Variants in KCNMB2 observed in about 807,000 individuals in gnomAD.
KCNMB2 encodes calcium-activated potassium channel subunit beta-2.
In KCNMB2, 9 loss-of-function variants were observed where a neutral mutation model predicts 24.5. That is an observed-to-expected ratio of 0.37 (90% CI 0.22 to 0.64). The LOEUF (loss-of-function observed/expected upper bound fraction) is 0.64. Ranked by LOEUF, KCNMB2 falls within the 30% of genes least tolerant of loss-of-function variation. The pLI, the probability that KCNMB2 is intolerant of heterozygous loss-of-function variation, is 0.63. For synonymous variants in KCNMB2, 109 were observed against 104.4 expected, an observed-to-expected ratio of 1.04 and a Z score of -0.27; for missense variants, 226 against 284.3, an observed-to-expected ratio of 0.79 and a Z score of 1.47.
intron 1 of KCNMB2, among the ~76,000 whole-genome samples, chr3:178,794,636 T>C (rs1304189327): frequency 6.6e-6 from 1 of 152,224 alleles, no homozygotes; most frequent in East Asian, 1.9e-4. Flanking sequence ...ATGACGATTA[T>C]AACCAGCTCA....
At chr3:178,805,015 C>T in intron 1 of KCNMB2, among the ~76,000 whole-genome samples, 1 of 152,194 alleles carries the variant, frequency 6.6e-6, no homozygotes, top group East Asian at 1.9e-4. Context: ...AAACAAATAA[C>T]TTTAAACAAC....
chr3:178,632,729 A>G (rs1719366137), intron 1 of KCNMB2, among the ~76,000 whole-genome samples: 1 of 152,114 alleles, frequency 6.6e-6, no homozygotes, highest in South Asian at 2.1e-4. Flanking sequence ...ACATTTCAAA[A>G]CACAATCATG....
At chr3:178,795,885 T>C (rs1713523866) in intron 1 of KCNMB2, among the ~76,000 whole-genome samples, 1 of 152,194 alleles carries the variant, frequency 6.6e-6, no homozygotes, top group Admixed American at 6.5e-5. Context: ...ATTCTTTTAA[T>C]GCACTAATCT....
At chr3:178,644,576 T>C (rs1719846429) in intron 1 of KCNMB2, among the ~76,000 whole-genome samples, 1 of 152,228 alleles carries the variant, frequency 6.6e-6, no homozygotes, top group Admixed American at 6.5e-5. Flanking sequence ...AAGGCTAAGA[T>C]GGGGCCACTT....
At chr3:178,751,342 A>G (rs1191608773) in intron 1 of KCNMB2, among the ~76,000 whole-genome samples, 1 of 152,120 alleles carries the variant, frequency 6.6e-6, no homozygotes, top group African/African-American at 2.4e-5. Context: ...GCACTTTGAG[A>G]GGCCAAGGCA....
At chr3:178,737,578 T>C (rs958791232) in intron 1 of KCNMB2, among the ~76,000 whole-genome samples, 9 of 152,274 alleles carry the variant, frequency 5.9e-5, no homozygotes, top group Non-Finnish European at 4.4e-5. Context: ...CAACAACCAT[T>C]TGCTAAATAA....
chr3:178,567,408 G>A (rs974445103), intron 1 of KCNMB2, among the ~76,000 whole-genome samples: 3 of 152,032 alleles, frequency 2.0e-5, no homozygotes, highest in Non-Finnish European at 4.4e-5. Context: ...TACAACTAGT[G>A]GCTTAGAGAA....
chr3:178,826,091 G>A (rs906709121), intron 3 of KCNMB2, among the ~76,000 whole-genome samples: 1 of 152,100 alleles, frequency 6.6e-6, no homozygotes, highest in Non-Finnish European at 1.5e-5. Context: ...CTTGCTTGTG[G>A]CAGAGCTAAG....
intron 1 of KCNMB2, among the ~76,000 whole-genome samples, chr3:178,699,205 A>G (rs1485070087): frequency 2.0e-5 from 3 of 152,266 alleles, no homozygotes; most frequent in Non-Finnish European, 4.4e-5. Flanking sequence ...CCCTGCAAGC[A>G]GGATCACTCA....
chr3:178,536,636 AT>A lies in KCNMB2; in HGVS notation c.-140del, dbSNP rs1715421360. The A allele has an allele frequency of 6.6e-6, 1 of 152,228 alleles. No homozygotes were observed. The highest frequency in any genetic ancestry group is 1.5e-5 in the Non-Finnish European group (1 of 68,054). 9.4% of individuals were successfully genotyped at this position (152,228 alleles called of 1,614,324 possible). On this transcript the variant is annotated 5_prime_UTR_variant, in exon 1 of 5. The change creates a premature stop within an existing upstream ORF in the 5' untranslated region. Transcript: ENST00000452583. ...GAGGTAATGATGATTACCGGTGGCTATTTGGAGGACTGCACCGGATCGCTGT... is the reference window on the plus strand; with the variant it reads ...GAGGTAATGATGATTACCGGTGGCTATTGGAGGACTGCACCGGATCGCTGT...
intron 1 of KCNMB2, among the ~76,000 whole-genome samples, chr3:178,647,993 TTTTC>T (rs1719978014): frequency 6.6e-6 from 1 of 152,044 alleles, no homozygotes; most frequent in Non-Finnish European, 1.5e-5. Flanking sequence ...ACATATTGTC[TTTTC>T]TTTTTTCTTC....
chr3:178,734,217 C>A (rs1723245725), intron 1 of KCNMB2, among the ~76,000 whole-genome samples: 2 of 152,148 alleles, frequency 1.3e-5, no homozygotes, highest in Admixed American at 1.3e-4. Context: ...TAATTTTAGA[C>A]AATATTTTTT....
At position 178,679,510 on chromosome 3, in the gene KCNMB2, A is replaced by G. The variant is rs146171422; in HGVS notation, c.-67-127833A>G. ...CAAGTTTTCCTCTCAGAGCTTTCCA[A>G]CTGTCTGTTGGGGCTTGCACATGTA... On this transcript the variant is annotated intron_variant, in intron 1 of 4. Coordinates refer to ENST00000452583, the MANE Select transcript of KCNMB2 (RefSeq NM_181361.3). Among the ~76,000 whole-genome samples, 143 of 152,294 alleles carry G rather than the reference A, an allele frequency of 9.4e-4. 2 individuals carry two copies. The highest frequency in any genetic ancestry group is 3.1e-3 in the African/African-American group (130 of 41,566).
At chr3:178,824,076 T>C (rs1027694671) in intron 2 of KCNMB2, among the ~76,000 whole-genome samples, 6 of 152,166 alleles carry the variant, frequency 3.9e-5, no homozygotes, top group African/African-American at 1.4e-4. Context: ...TGTTTCTTGG[T>C]CACAGGCCTT....
chr3:178,840,593 C>T (rs533397993), intron 4 of KCNMB2, among the ~76,000 whole-genome samples: 195 of 152,376 alleles, frequency 1.3e-3, no homozygotes, highest in African/African-American at 4.5e-3. Context: ...AGTTCCAAAA[C>T]CTTAACTCTT....
At chr3:178,595,133 G>C (rs1015807342) in intron 1 of KCNMB2, among the ~76,000 whole-genome samples, 2 of 150,732 alleles carry the variant, frequency 1.3e-5, no homozygotes, top group African/African-American at 4.9e-5. Context: ...TGCTAAAAGA[G>C]GTATTTCAGC....
chr3:178,753,064 T>C (rs1253893702), intron 1 of KCNMB2, among the ~76,000 whole-genome samples: 1 of 152,198 alleles, frequency 6.6e-6, no homozygotes, highest in Admixed American at 6.5e-5. Flanking sequence ...CTCAACTCTC[T>C]GATCAGGTGC....
chr3:178,555,287 G>T (rs545350848), intron 1 of KCNMB2, among the ~76,000 whole-genome samples: 1 of 152,158 alleles, frequency 6.6e-6, no homozygotes, highest in Non-Finnish European at 1.5e-5. Flanking sequence ...TCCCTGTGCC[G>T]CCAGCTCCTG....
At chr3:178,655,886 CA>C (rs1325807918) in intron 1 of KCNMB2, among the ~76,000 whole-genome samples, 1 of 152,160 alleles carries the variant, frequency 6.6e-6, no homozygotes, top group African/African-American at 2.4e-5. Context: ...TTACTTTTAT[CA>C]CAGGGAAAAC....
Sources: allele counts gnomAD v4.1 joint callset (sites outside exome capture counted in the v4.1 genomes callset), GRCh38; gene constraint gnomAD v4.1.1; transcripts MANE v1.5; gene names NCBI Gene and HGNC (gene_info 2026-07-23, HGNC 2026-07-21).